Variants in CAMK2D observed in about 807,000 individuals in gnomAD.
CAMK2D encodes the protein calcium/calmodulin-dependent protein kinase type II subunit delta.
CAMK2D carries 37 observed loss-of-function variants against 84.0 expected under a neutral mutation model. The observed-to-expected ratio is 0.44, with a 90% confidence interval of 0.34 to 0.58. The LOEUF (loss-of-function observed/expected upper bound fraction) is 0.58, where lower values mean the gene tolerates loss of function less well. Among genes scored for constraint, CAMK2D ranks in the 20% least tolerant of loss-of-function variants. CAMK2D has a pLI of 0.02. For missense variants in CAMK2D, 448 were observed against 652.5 expected (o/e 0.69, Z 3.41); for synonymous variants, 202 against 212.5 (o/e 0.95, Z 0.43).
chr4:113,461,984 A>C (rs936719799), intron 17 of CAMK2D, among the ~76,000 whole-genome samples: 20 of 152,134 alleles, frequency 1.3e-4, no homozygotes, highest in Non-Finnish European at 2.6e-4. Context: ...GATTACAGTA[A>C]CCTTCACTTC....
At chr4:113,537,305 G>C in intron 7 of CAMK2D, 36 bp downstream of exon 7, 1 of 1,063,656 alleles carries the variant, frequency 9.4e-7, no homozygotes, top group Non-Finnish European at 1.4e-6. Flanking sequence ...GAAGCCAGAA[G>C]ACTATAGGTA....
chr4:113,523,299 C>T (rs1388611758), intron 8 of CAMK2D, among the ~76,000 whole-genome samples: 2 of 152,176 alleles, frequency 1.3e-5, no homozygotes, highest in Admixed American at 1.3e-4. Context: ...CTGAAATTAG[C>T]TGTGGTAGTA....
chr4:113,660,110 C>T (rs890486677), intron 3 of CAMK2D, among the ~76,000 whole-genome samples: 2 of 152,166 alleles, frequency 1.3e-5, no homozygotes, highest in Non-Finnish European at 2.9e-5. Context: ...GCAAATTCTA[C>T]ATCACTGTTA....
At chr4:113,493,810 A>G (rs1442404791) in intron 16 of CAMK2D, among the ~76,000 whole-genome samples, 2 of 151,476 alleles carry the variant, frequency 1.3e-5, no homozygotes, top group South Asian at 2.1e-4. Context: ...CTTTTCACAT[A>G]GTCCCATATT....
intron 3 of CAMK2D, among the ~76,000 whole-genome samples, chr4:113,618,149 C>T (rs945893157): frequency 6.6e-6 from 1 of 152,092 alleles, no homozygotes; most frequent in Non-Finnish European, 1.5e-5. Context: ...ACAGTAATTA[C>T]CAATACAAAG....
chr4:113,627,432 C>G (rs1020955422), intron 3 of CAMK2D, among the ~76,000 whole-genome samples: 2 of 152,086 alleles, frequency 1.3e-5, no homozygotes, highest in African/African-American at 4.8e-5. Flanking sequence ...TTCCTGCAAG[C>G]CCCTAGTCAC....
At chr4:113,747,319 T>TTTTAA (rs1554093408) in intron 2 of CAMK2D, among the ~76,000 whole-genome samples, 20 of 147,342 alleles carry the variant, frequency 1.4e-4, no homozygotes, top group East Asian at 6.0e-4. Flanking sequence ...TTTTTTTTTT[T>TTTTAA]AAATTCAATA....
At chr4:113,755,171 G>GACACACAC (rs2099625601) in intron 2 of CAMK2D, 1 of 179,996 alleles carries the variant, frequency 5.6e-6, no homozygotes, top group African/African-American at 4.0e-5. Flanking sequence ...GTTACTTAGG[G>GACACACAC]ATACACACAC....
At chr4:113,601,019 C>T (rs1282870225) in intron 4 of CAMK2D, among the ~76,000 whole-genome samples, 1 of 151,980 alleles carries the variant, frequency 6.6e-6, no homozygotes, top group Non-Finnish European at 1.5e-5. Flanking sequence ...TAGAAATAGG[C>T]CCTCTGGAAT....
intron 2 of CAMK2D, among the ~76,000 whole-genome samples, chr4:113,709,745 C>CTATATATATATATATATA (rs1554070590): frequency 9.7e-4 from 24 of 24,636 alleles, no homozygotes; most frequent in African/African-American, 5.7e-3. Context: ...AAGCCGTGAA[C>CTATATATATATATATATA]GATATATATA....
chr4:113,457,067 T>C (rs2097311671), intron 19 of CAMK2D: 2 of 652,060 alleles, frequency 3.1e-6, no homozygotes, highest in Non-Finnish European at 4.4e-6. Context: ...GTCCTCTAGA[T>C]TTAACCCTGT....
At chr4:113,684,760 C>T (rs749459604) in intron 2 of CAMK2D, among the ~76,000 whole-genome samples, 1 of 152,196 alleles carries the variant, frequency 6.6e-6, no homozygotes, top group Non-Finnish European at 1.5e-5. Flanking sequence ...AACAGTATTA[C>T]TCTTGTCTAG....
intron 2 of CAMK2D, among the ~76,000 whole-genome samples, chr4:113,696,590 T>C (rs1236417671): frequency 6.6e-6 from 1 of 152,110 alleles, no homozygotes; most frequent in Non-Finnish European, 1.5e-5. Context: ...TAAGTGTATT[T>C]GTAGGGGCCA....
At chr4:113,642,231 G>C (rs1008226598) in intron 3 of CAMK2D, among the ~76,000 whole-genome samples, 18 of 152,068 alleles carry the variant, frequency 1.2e-4, no homozygotes, top group Admixed American at 3.9e-4. Flanking sequence ...CAGTTACTGT[G>C]CTCCAAAAAC....
intron 2 of CAMK2D, among the ~76,000 whole-genome samples, chr4:113,729,709 T>G (rs73844664): frequency 0.053 from 8,029 of 152,234 alleles, 717 homozygotes; most frequent in African/African-American, 0.18. Context: ...AATGCCCAAT[T>G]TAACGGTGTG....
At position 113,674,380 on chromosome 4, in the gene CAMK2D, A is replaced by G. The variant is rs117355645; in HGVS notation, c.161-12608T>C. 2.4e-3 allele frequency among the ~76,000 whole-genome samples: 359 copies of G among 152,260 alleles called. 11 individuals are homozygous for G. The East Asian group carries it at 0.06, about 25-fold the overall frequency. On this transcript the variant is annotated intron_variant, in intron 2 of 20. Coordinates refer to ENST00000511664, the MANE Select transcript of CAMK2D (RefSeq NM_001321571.2). ...AAGGAACATTTACCTTTTACCCAGA[A>G]TGCTCTGTCTCAGGTAAGTACTGCA...
intron 16 of CAMK2D, among the ~76,000 whole-genome samples, chr4:113,466,205 C>T (rs544599074): frequency 3.7e-4 from 56 of 151,404 alleles, no homozygotes; most frequent in African/African-American, 1.2e-3. Context: ...TGCAGTGAGC[C>T]GAGATCACGC....
chr4:113,552,048 G>C lies in CAMK2D; in HGVS notation c.324C>G (p.Tyr108Ter). 2 of 1,583,240 alleles carry C rather than the reference G, an allele frequency of 1.3e-6. No individual in the cohort carries two copies. ...TCACTTACCTGGCATCAGCTTCACT[G>C]TAGTATTCTCTTGCCACTATGTCTT... The part of the protein sequence containing the change: ...LFEDIVAREY[Y>*]SEADASHCIQ... Residue 108 changes from tyrosine (Y) to a stop codon, truncating the protein, a stop_gained, in exon 5 of 21, where the codon TAC (tyrosine) becomes TAG (stop). Transcript: ENST00000511664. LOFTEE classifies it high-confidence loss of function.
chr4:113,489,186 C>T (rs929777571), intron 16 of CAMK2D, among the ~76,000 whole-genome samples: 6 of 151,576 alleles, frequency 4.0e-5, no homozygotes, highest in South Asian at 2.1e-4. Flanking sequence ...ATGTGCACAT[C>T]GTGCAGGTTA....
Sources: gnomAD v4.1 joint callset for allele counts (sites outside exome capture counted in the v4.1 genomes callset) on GRCh38, gnomAD v4.1.1 for gene constraint, MANE v1.5 for transcripts, NCBI Gene and HGNC (gene_info 2026-07-23, HGNC 2026-07-21) for gene names.